The following MACROD2 variants were observed in gnomAD, a reference collection of about 807,000 sequenced individuals.
The protein encoded by MACROD2 is ADP-ribose glycohydrolase MACROD2.
Under a neutral mutation model 70.4 loss-of-function variants are expected in MACROD2, and 36 were observed. The ratio of observed to expected loss-of-function variants is 0.51; its 90% CI spans 0.39 to 0.68. MACROD2 has a LOEUF of 0.68. Ranked by LOEUF, MACROD2 falls within the 30% of genes least tolerant of loss-of-function variation. The pLI is 0.00. For synonymous variants in MACROD2, 172 were observed against 178.8 expected (o/e 0.96, Z 0.30); for missense variants, 496 against 538.4 (o/e 0.92, Z 0.78).
intron 6 of MACROD2, among the ~76,000 whole-genome samples, chr20:15,278,711 G>A (rs751928690): frequency 2.0e-5 from 3 of 152,054 alleles, no homozygotes; most frequent in Admixed American, 6.5e-5. Context: ...ATATGATTTC[G>A]CTTACTCTCC....
intron 3 of MACROD2, among the ~76,000 whole-genome samples, chr20:14,292,014 C>T (rs1338000280): frequency 6.6e-6 from 1 of 151,894 alleles, no homozygotes; most frequent in South Asian, 2.1e-4. Flanking sequence ...GAAGTCTAGC[C>T]TTCATCTGAT....
chr20:15,157,933 C>T (rs1408673735), intron 5 of MACROD2, among the ~76,000 whole-genome samples: 1 of 152,182 alleles, frequency 6.6e-6, no homozygotes, highest in African/African-American at 2.4e-5. Context: ...TTGCTGTGAA[C>T]CTCAGGGTGC....
chr20:15,083,006 G>A (rs1175220715), intron 5 of MACROD2, among the ~76,000 whole-genome samples: 1 of 152,162 alleles, frequency 6.6e-6, no homozygotes, highest in Non-Finnish European at 1.5e-5. Context: ...CTTATTATCA[G>A]CCTTTTCTGG....
intron 8 of MACROD2, among the ~76,000 whole-genome samples, chr20:15,573,393 G>A (rs958287870): frequency 3.9e-5 from 6 of 152,108 alleles, no homozygotes; most frequent in African/African-American, 9.7e-5. Context: ...ATAGGAGTAC[G>A]TGCACAGATT....
chr20:15,348,105 A>T (rs1054648137), intron 6 of MACROD2, among the ~76,000 whole-genome samples: 12 of 152,300 alleles, frequency 7.9e-5, no homozygotes, highest in Non-Finnish European at 1.5e-4. Context: ...TTACATGTGG[A>T]TGCAAGTGAT....
In MACROD2 at chr20:15,819,337, A is replaced by G. The variant is rs1046992284; in HGVS notation, c.646-43408A>G. Among the ~76,000 whole-genome samples, 5 of 140,210 alleles carry G rather than the reference A, an allele frequency of 3.6e-5. No individual in the cohort carries two copies. The Admixed American group carries it at 3.7e-4, about 10-fold the overall frequency. The allele number at this position is 140,210 out of a possible 152,430, so 92.0% of individuals were successfully genotyped here. ...TACTTATATATAAATATAAATATAT[A>G]AGTATATAATTATATAAATGTATAT... On this transcript the variant is annotated intron_variant, in intron 8 of 17. Transcript: ENST00000684519.
intron 3 of MACROD2, among the ~76,000 whole-genome samples, chr20:14,437,630 A>G (rs115649009): frequency 1.1e-3 from 161 of 152,258 alleles, no homozygotes; most frequent in African/African-American, 3.8e-3. Context: ...TATTTGTTAT[A>G]TGAATCTCTT....
chr20:14,308,476 T>C (rs1411544572), intron 3 of MACROD2, among the ~76,000 whole-genome samples: 1 of 152,114 alleles, frequency 6.6e-6, no homozygotes, highest in East Asian at 1.9e-4. Flanking sequence ...TAAAGACTCA[T>C]AGTGAGTTCC....
chr20:15,306,626 G>A (rs1375532575), intron 6 of MACROD2, among the ~76,000 whole-genome samples: 3 of 152,034 alleles, frequency 2.0e-5, no homozygotes, highest in Admixed American at 6.6e-5. Flanking sequence ...CTGAATCCTC[G>A]TGTATGTGAA....
intron 8 of MACROD2, among the ~76,000 whole-genome samples, chr20:15,737,817 AGACATATGTAATG>A (rs2051045057): frequency 6.6e-6 from 1 of 152,138 alleles, no homozygotes; most frequent in South Asian, 2.1e-4. Flanking sequence ...CTTGGGGAAT[AGACATATGTAATG>A]GACTGGAAAA....
intron 8 of MACROD2, among the ~76,000 whole-genome samples, chr20:15,821,303 GTTTTA>G (rs1043113857): frequency 6.6e-6 from 1 of 151,448 alleles, no homozygotes; most frequent in African/African-American, 2.4e-5. Context: ...TTCCTCCTTT[GTTTTA>G]TAAGTCCCTC....
intron 4 of MACROD2, among the ~76,000 whole-genome samples, chr20:14,495,085 C>G (rs1222283371): frequency 6.6e-6 from 1 of 152,038 alleles, no homozygotes; most frequent in Admixed American, 6.6e-5. Flanking sequence ...ATTGACTTGA[C>G]TAATTATATT....
In MACROD2 at chr20:14,179,513, C is replaced by G. The variant is rs192978163; in HGVS notation, c.271+93785C>G. On this transcript the variant is annotated intron_variant, in intron 3 of 17. Coordinates refer to ENST00000684519, the MANE Select transcript of MACROD2 (RefSeq NM_001351661.2). ...CTGTCTATCTACTGTGGCCATTCTCCAATTTGCCATTGATTGATTCACTCA... is the reference window on the plus strand; with the variant it reads ...CTGTCTATCTACTGTGGCCATTCTCGAATTTGCCATTGATTGATTCACTCA... Among the ~76,000 whole-genome samples the G allele has an allele frequency of 4.2e-3, 644 of 152,200 alleles. 1 individual carries two copies. The highest frequency in any genetic ancestry group is 0.014 in the South Asian group (66 of 4,814).
rs370374841 is a variant in MACROD2 at position 14,808,915 on chromosome 20, C to A, written c.418+123956C>A. Among the ~76,000 whole-genome samples the A allele has an allele frequency of 2.0e-5, 3 of 152,066 alleles. No homozygotes were observed. In the South Asian group the frequency reaches 6.2e-4, roughly 32 times the overall value. On this transcript the variant is annotated intron_variant, in intron 5 of 17. Transcript: ENST00000684519. ...ATCCTAAATATATATGCACCCAATA[C>A]AGGAGCACCCAGATTCATAAAGCAA...
chr20:14,472,017 G>C (rs987655114), intron 3 of MACROD2, among the ~76,000 whole-genome samples: 7 of 152,106 alleles, frequency 4.6e-5, no homozygotes, highest in Non-Finnish European at 1.0e-4. Flanking sequence ...GGTCTGCATT[G>C]ACTTATTAAA....
intron 3 of MACROD2, among the ~76,000 whole-genome samples, chr20:14,215,519 AC>A (rs955877698): frequency 3.3e-5 from 5 of 151,692 alleles, no homozygotes; most frequent in African/African-American, 1.2e-4. Context: ...CTGGGTAGGT[AC>A]CCCCCCAGTA....
At chr20:15,050,529 A>C in intron 5 of MACROD2, among the ~76,000 whole-genome samples, 1 of 112,956 alleles carries the variant, frequency 8.9e-6, no homozygotes, top group African/African-American at 3.5e-5. Flanking sequence ...CTTTCTATTT[A>C]GGTCTTTTTT....
At chr20:15,100,309 GA>G (rs1705615376) in intron 5 of MACROD2, among the ~76,000 whole-genome samples, 1 of 59,164 alleles carries the variant, frequency 1.7e-5, no homozygotes, top group Non-Finnish European at 3.1e-5. Context: ...TTTGACTTAT[GA>G]TATTTTTGAC....
intron 5 of MACROD2, among the ~76,000 whole-genome samples, chr20:14,855,779 A>G (rs1288396210): frequency 1.3e-5 from 2 of 151,946 alleles, no homozygotes; most frequent in East Asian, 3.9e-4. Context: ...AAGAACATGA[A>G]AACATTTTTA....
Sources: gnomAD v4.1 joint callset for allele counts (sites outside exome capture counted in the v4.1 genomes callset) on GRCh38, gnomAD v4.1.1 for gene constraint, MANE v1.5 for transcripts, NCBI Gene and HGNC (gene_info 2026-07-23, HGNC 2026-07-21) for gene names.